Variants in GRM8 observed in about 807,000 individuals in gnomAD.
GRM8 encodes metabotropic glutamate receptor 8.
GRM8 carries 47 observed loss-of-function variants against 87.2 expected under a neutral mutation model. The observed-to-expected ratio is 0.54, with a 90% CI of 0.43 to 0.69. GRM8 has a LOEUF of 0.69. GRM8 is among the 30% of genes least tolerant of loss of function. The probability of loss-of-function intolerance (pLI) is 0.00; values close to 1 mark genes in which losing one functional copy is unlikely to be tolerated. For synonymous variants in GRM8, 396 were observed against 404.5 expected (o/e 0.98, Z 0.25); for missense variants, 1,019 against 1,139.2 (o/e 0.89, Z 1.52).
intron 7 of GRM8, among the ~76,000 whole-genome samples, chr7:126,615,779 G>A (rs1478917777): frequency 6.6e-6 from 1 of 152,110 alleles, no homozygotes; most frequent in Non-Finnish European, 1.5e-5. Flanking sequence ...AGACAAAGAA[G>A]GCCATTACAT....
chr7:126,695,320 A>G (rs1206773547), intron 7 of GRM8, among the ~76,000 whole-genome samples: 3 of 152,164 alleles, frequency 2.0e-5, no homozygotes, highest in Non-Finnish European at 4.4e-5. Flanking sequence ...AGAACTGTAT[A>G]ATGTACTAGA....
intron 7 of GRM8, among the ~76,000 whole-genome samples, chr7:126,657,893 G>A (rs2402822): frequency 0.69 from 105,386 of 152,174 alleles, 37,381 homozygotes; most frequent in African/African-American, 0.85. Context: ...CATAGGGGGA[G>A]CTCCTCCCTA....
At chr7:126,879,730 A>C (rs902673762) in intron 6 of GRM8, among the ~76,000 whole-genome samples, 5 of 152,200 alleles carry the variant, frequency 3.3e-5, no homozygotes, top group African/African-American at 4.8e-5. Flanking sequence ...TTATTATACT[A>C]ATTTTTTCAC....
chr7:126,886,961 C>G (rs534889105), intron 6 of GRM8, among the ~76,000 whole-genome samples: 2 of 152,108 alleles, frequency 1.3e-5, no homozygotes, highest in Admixed American at 1.3e-4. Context: ...TTTGGGAGTG[C>G]AGAGAAGTAT....
chr7:126,840,355 T>A (rs1041605329), intron 6 of GRM8, among the ~76,000 whole-genome samples: 2 of 152,210 alleles, frequency 1.3e-5, no homozygotes, highest in Admixed American at 6.5e-5. Context: ...GCTAACTGGA[T>A]ACTACTATTT....
intron 6 of GRM8, among the ~76,000 whole-genome samples, chr7:126,848,169 G>T (rs2130684446): frequency 6.6e-6 from 1 of 152,286 alleles, no homozygotes; most frequent in East Asian, 1.9e-4. Context: ...AAGACGGGAA[G>T]AGGAACAGAT....
At chr7:127,139,631 T>A (rs536876508) in intron 2 of GRM8, among the ~76,000 whole-genome samples, 73 of 152,252 alleles carry the variant, frequency 4.8e-4, no homozygotes, top group African/African-American at 1.5e-3. Flanking sequence ...CAATCTCTCA[T>A]CAGCACCCTC....
At chr7:127,155,962 C>A (rs1325808648) in intron 2 of GRM8, among the ~76,000 whole-genome samples, 3 of 152,058 alleles carry the variant, frequency 2.0e-5, no homozygotes, top group African/African-American at 7.2e-5. Context: ...GAATTGACGC[C>A]CTCTTGAAGG....
intron 9 of GRM8, among the ~76,000 whole-genome samples, chr7:126,446,971 T>C (rs1272738649): frequency 6.6e-6 from 1 of 151,924 alleles, no homozygotes; most frequent in Non-Finnish European, 1.5e-5. Flanking sequence ...TTCTCAGTGA[T>C]AGCATCATAT....
chr7:126,821,591 C>G (rs1306850353), intron 6 of GRM8, among the ~76,000 whole-genome samples: 1 of 152,176 alleles, frequency 6.6e-6, no homozygotes. Context: ...CTCTCCTCAG[C>G]TTCATATTCT....
chr7:127,187,626 C>G (rs1794809414), intron 2 of GRM8, among the ~76,000 whole-genome samples: 2 of 152,160 alleles, frequency 1.3e-5, no homozygotes, highest in Non-Finnish European at 2.9e-5. Flanking sequence ...CTCAGCTCTC[C>G]TCTTAATCAC....
intron 6 of GRM8, among the ~76,000 whole-genome samples, chr7:126,836,509 T>C (rs1795840595): frequency 6.6e-6 from 1 of 151,730 alleles, no homozygotes; most frequent in Non-Finnish European, 1.5e-5. Context: ...CTCTTTTCAG[T>C]CTCATCACCT....
At chr7:126,929,657 C>T (rs1805532043) in intron 3 of GRM8, among the ~76,000 whole-genome samples, 1 of 152,098 alleles carries the variant, frequency 6.6e-6, no homozygotes, top group South Asian at 2.1e-4. Context: ...TGGTCTCAAA[C>T]TCCTGCCCTC....
At chr7:126,993,773 G>A (rs1353482654) in intron 3 of GRM8, among the ~76,000 whole-genome samples, 4 of 152,198 alleles carry the variant, frequency 2.6e-5, no homozygotes, top group African/African-American at 7.2e-5. Flanking sequence ...GCCCACACAT[G>A]AAGGGAGCAT....
chr7:126,542,678 T>G (rs1585004475), intron 8 of GRM8, among the ~76,000 whole-genome samples: 1 of 152,206 alleles, frequency 6.6e-6, no homozygotes, highest in African/African-American at 2.4e-5. Context: ...ACGAAGGGCT[T>G]TGTAAGCAGC....
chr7:127,214,239 A>C (rs1431190580), intron 2 of GRM8, among the ~76,000 whole-genome samples: 1 of 152,190 alleles, frequency 6.6e-6, no homozygotes, highest in Non-Finnish European at 1.5e-5. Flanking sequence ...TTGGAGTAAA[A>C]GATTACATGA....
chr7:126,881,633 CT>C (rs1350663454), intron 6 of GRM8, among the ~76,000 whole-genome samples: 1 of 152,146 alleles, frequency 6.6e-6, no homozygotes, highest in Non-Finnish European at 1.5e-5. Context: ...ACTCTGTAGC[CT>C]TCTGGAGGAT....
chr7:126,727,926 G>A (rs942125712), intron 7 of GRM8, among the ~76,000 whole-genome samples: 6 of 152,112 alleles, frequency 3.9e-5, no homozygotes, highest in Admixed American at 2.6e-4. Context: ...ATGTACACAT[G>A]AGCACAATTA....
At chr7:126,439,605 T>G (rs980908949) in intron 10 of GRM8, among the ~76,000 whole-genome samples, 17 of 152,150 alleles carry the variant, frequency 1.1e-4, no homozygotes, top group African/African-American at 2.7e-4. Flanking sequence ...ACACTATACT[T>G]TTTATCATTA....
Sources: allele counts gnomAD v4.1 joint callset (sites outside exome capture counted in the v4.1 genomes callset), GRCh38; gene constraint gnomAD v4.1.1; transcripts MANE v1.5; gene names NCBI Gene and HGNC (gene_info 2026-07-23, HGNC 2026-07-21).